UBE2D3: variants seen among roughly 807,000 people sequenced by gnomAD.
UBE2D3 encodes ubiquitin-conjugating enzyme E2 D3.
A neutral mutation model predicts 22.8 loss-of-function variants in UBE2D3; 2 were observed. The ratio of observed to expected loss-of-function variants is 0.09; its 90% CI spans 0.04 to 0.28. The LOEUF (loss-of-function observed/expected upper bound fraction) is 0.28, where lower values mean the gene tolerates loss of function less well. Ranked by LOEUF, UBE2D3 falls within the 10% of genes least tolerant of loss-of-function variation. The probability of loss-of-function intolerance (pLI) is 1.00; values close to 1 mark genes in which losing one functional copy is unlikely to be tolerated. For missense variants in UBE2D3, 27 were observed against 182.5 expected, an observed-to-expected ratio of 0.15 and a Z score of 4.91; for synonymous variants, 56 against 60.4, an observed-to-expected ratio of 0.93 and a Z score of 0.34.
chr4:102,829,158 T>C (rs553622721), upstream of UBE2D3, among the ~76,000 whole-genome samples: 1 of 152,256 alleles, frequency 6.6e-6, no homozygotes, highest in African/African-American at 2.4e-5. Context: ...TTGTTGAAAA[T>C]GCGACTTTGA....
intron 1 of UBE2D3, among the ~76,000 whole-genome samples, chr4:102,861,414 AT>A (rs1206146280): frequency 6.6e-6 from 1 of 152,010 alleles, no homozygotes; most frequent in East Asian, 1.9e-4. Flanking sequence ...GAATAGTATT[AT>A]TTCACACAGA....
intron 1 of UBE2D3, among the ~76,000 whole-genome samples, chr4:102,837,745 A>T (rs1731492078): frequency 6.6e-6 from 1 of 152,140 alleles, no homozygotes; most frequent in Non-Finnish European, 1.5e-5. Context: ...AGGTCAGGAG[A>T]TCGAGACCAT....
chr4:102,826,397 T>C, intron 2 of UBE2D3, 88 bp downstream of exon 2: 2 of 1,521,250 alleles, frequency 1.3e-6, no homozygotes, highest in Admixed American at 1.8e-5. Flanking sequence ...ATTTTCAGAA[T>C]TATGCTTCCT....
At chr4:102,868,256 G>A (rs1274718509) in intron 1 of UBE2D3, among the ~76,000 whole-genome samples, 1 of 149,798 alleles carries the variant, frequency 6.7e-6, no homozygotes, top group Non-Finnish European at 1.5e-5. Context: ...TTTTAGTAGA[G>A]ACGGGGTTTC....
Position 102,853,135 on chromosome 4 carries a change from A to ATCTTTTTTTTTTTTTTTTTTTTTTTTTT in UBE2D3, c.-129+15579_-129+15580insAAAAAAAAAAAAAAAAAAAAAAAAAAGA, listed in dbSNP as rs386626793. On this transcript the variant is annotated intron_variant, in intron 1 of 7. Transcript: ENST00000338145. Reference sequence around the variant, plus strand: ...GTCAAAATTACACACAAACACACACATTTTTTTTTTTTTTTTTTTTTTTTT... The same window carrying ATCTTTTTTTTTTTTTTTTTTTTTTTTTT: ...GTCAAAATTACACACAAACACACACATCTTTTTTTTTTTTTTTTTTTTTTTTTTTTTTTTTTTTTTTTTTTTTTTTTTT... Among the ~76,000 whole-genome samples, 2 of 88,598 alleles carry ATCTTTTTTTTTTTTTTTTTTTTTTTTTT rather than the reference A, an allele frequency of 2.3e-5. 1 individual carries two copies. The highest frequency in any genetic ancestry group is 9.5e-5 in the African/African-American group (2 of 21,056). 58.1% of individuals were successfully genotyped at this position (88,598 alleles called of 152,430 possible). A position where few individuals can be genotyped will look rare whatever the true frequency, so the allele number is the denominator to read the frequency against.
intron 4 of UBE2D3, among the ~76,000 whole-genome samples, chr4:102,804,504 T>A (rs908375026): frequency 4.0e-5 from 6 of 151,798 alleles, no homozygotes; most frequent in African/African-American, 1.2e-4. Context: ...AACACTCAGG[T>A]CACTTAGAAT....
chr4:102,814,251 CT>C (rs1225050626), intron 2 of UBE2D3, among the ~76,000 whole-genome samples: 1,704 of 139,622 alleles, frequency 0.012, 11 homozygotes, highest in Middle Eastern at 0.022. Context: ...ATTTCAGAAG[CT>C]TTTTTTTTTT....
intron 7 of UBE2D3, among the ~76,000 whole-genome samples, chr4:102,798,278 G>T (rs1387144369): frequency 2.4e-5 from 1 of 41,722 alleles, no homozygotes; most frequent in Non-Finnish European, 4.3e-5. Context: ...CTTAAGAAAT[G>T]AATATATATA....
At chr4:102,806,632 T>G (rs1263165650) in intron 4 of UBE2D3, among the ~76,000 whole-genome samples, 3 of 152,202 alleles carry the variant, frequency 2.0e-5, no homozygotes, top group Non-Finnish European at 4.4e-5. Context: ...TTCAGATACT[T>G]TCACATTTTT....
upstream of UBE2D3, among the ~76,000 whole-genome samples, chr4:102,829,507 A>C (rs1470899864): frequency 6.6e-6 from 1 of 152,180 alleles, no homozygotes; most frequent in East Asian, 1.9e-4. Flanking sequence ...AAAGTAAGTA[A>C]TAATGACTGT....
At chr4:102,798,873 A>C (rs1202983131) in intron 7 of UBE2D3, 1 of 1,553,486 alleles carries the variant, frequency 6.4e-7, no homozygotes. Context: ...CGCATGCAGC[A>C]CTCAAGTGCT....
rs184559095 is a variant in UBE2D3 at position 102,848,692 on chromosome 4, G to A, written c.-129+20023C>T. Among the ~76,000 whole-genome samples, 112 of 152,042 alleles carry A rather than the reference G, an allele frequency of 7.4e-4. 2 individuals are homozygous for A. The highest frequency in any genetic ancestry group is 2.6e-3 in the African/African-American group (106 of 41,500). ...AAATAGGCTGGGTATGGTAGTGCAC[G>A]CCTATAGTCCCAGCTATTTAGGAGG... On this transcript the variant is annotated intron_variant, in intron 1 of 7. Coordinates refer to the UBE2D3 transcript ENST00000338145.
At chr4:102,819,853 A>G (rs1311986962) in intron 2 of UBE2D3, among the ~76,000 whole-genome samples, 1 of 152,244 alleles carries the variant, frequency 6.6e-6, no homozygotes, top group Non-Finnish European at 1.5e-5. Context: ...TGCCATTACT[A>G]AAGGTTAATT....
intron 1 of UBE2D3, among the ~76,000 whole-genome samples, chr4:102,852,721 ATGTAT>A (rs1227583497): frequency 6.6e-6 from 1 of 152,152 alleles, no homozygotes; most frequent in Non-Finnish European, 1.5e-5. Context: ...ATAGAACCTT[ATGTAT>A]TTCTATAGAA....
chr4:102,807,494 C>T (rs1262904314), intron 4 of UBE2D3, among the ~76,000 whole-genome samples: 1 of 152,160 alleles, frequency 6.6e-6, no homozygotes, highest in Non-Finnish European at 1.5e-5. Context: ...ACCTTTTTAA[C>T]TGAAAACATA....
chr4:102,817,705 G>A (rs561228223), intron 2 of UBE2D3, among the ~76,000 whole-genome samples: 6 of 152,138 alleles, frequency 3.9e-5, no homozygotes, highest in South Asian at 4.2e-4. Context: ...ATTTATTTCC[G>A]CATAACCATC....
rs1291184428 is a variant in UBE2D3, at chr4:102,808,437, G to A, written c.120+1235C>T. ...TCGTTATTACAGGACTATTTTTACT[G>A]TTTTAAATGTTACTTTGTTTTAAAA... On this transcript the variant is annotated intron_variant, in intron 4 of 7. Transcript: ENST00000453744. Among the ~76,000 whole-genome samples, 3 of 152,268 alleles carry A rather than the reference G, an allele frequency of 2.0e-5. No individual in the cohort carries two copies. In the East Asian group the frequency reaches 5.8e-4, roughly 29 times the overall value.
chr4:102,817,308 CG>C (rs1163113506), intron 2 of UBE2D3, among the ~76,000 whole-genome samples: 2 of 152,096 alleles, frequency 1.3e-5, no homozygotes, highest in African/African-American at 4.8e-5. Context: ...CTGATGGTTT[CG>C]AAATAGAAGA....
intron 6 of UBE2D3, among the ~76,000 whole-genome samples, chr4:102,800,881 C>T (rs896842861): frequency 1.3e-5 from 2 of 152,020 alleles, no homozygotes; most frequent in South Asian, 4.1e-4. Context: ...ATGCGGAGAC[C>T]GGAAAACTTG....
Sources: allele counts gnomAD v4.1 joint callset (sites outside exome capture counted in the v4.1 genomes callset), GRCh38; gene constraint gnomAD v4.1.1; transcripts MANE v1.5; gene names NCBI Gene and HGNC (gene_info 2026-07-23, HGNC 2026-07-21).